Variants in NAV2 observed in about 807,000 individuals in gnomAD.
NAV2 encodes helicase, APC down-regulated 1.
In NAV2, 54 loss-of-function variants were observed where a neutral mutation model predicts 223.2. That is an observed-to-expected ratio of 0.24 (90% CI 0.19 to 0.30). The LOEUF is 0.30. Among genes scored for constraint, NAV2 ranks in the 10% least tolerant of loss-of-function variants. The pLI, the probability that NAV2 is intolerant of heterozygous loss-of-function variation, is 1.00. For missense variants in NAV2, 2,806 were observed against 3,147.5 expected (o/e 0.89, Z 2.60); for synonymous variants, 1,279 against 1,239.3 (o/e 1.03, Z -0.67).
At chr11:19,469,998 C>T (rs1010189055) in intron 1 of NAV2, among the ~76,000 whole-genome samples, 2 of 152,232 alleles carry the variant, frequency 1.3e-5, no homozygotes, top group Non-Finnish European at 2.9e-5. Context: ...GGCCACAGGC[C>T]ATGTCAGGCA....
At chr11:19,967,221 C>T (rs1185535371) in intron 10 of NAV2, among the ~76,000 whole-genome samples, 1 of 152,166 alleles carries the variant, frequency 6.6e-6, no homozygotes, top group Non-Finnish European at 1.5e-5. Flanking sequence ...GCCTGTTGCA[C>T]TTTAGGCTCT....
intron 1 of NAV2, among the ~76,000 whole-genome samples, chr11:19,655,778 A>G (rs80150889): frequency 0.033 from 4,968 of 150,584 alleles, 102 homozygotes; most frequent in Middle Eastern, 0.059. Flanking sequence ...GCATTAGGAG[A>G]TATACCTAAT....
intron 1 of NAV2, among the ~76,000 whole-genome samples, chr11:19,813,452 T>G (rs765977946): frequency 6.6e-6 from 1 of 152,180 alleles, no homozygotes; most frequent in Non-Finnish European, 1.5e-5. Flanking sequence ...CAGTGATTTA[T>G]TTCCCCTGAG....
At chr11:19,655,752 G>C in intron 1 of NAV2, among the ~76,000 whole-genome samples, 1 of 113,452 alleles carries the variant, frequency 8.8e-6, no homozygotes, top group Admixed American at 1.1e-4. Context: ...TGGGGTGGGG[G>C]GAGGGGGGAG....
chr11:19,855,604 T>C (rs1044769590), intron 3 of NAV2, among the ~76,000 whole-genome samples: 1 of 152,106 alleles, frequency 6.6e-6, no homozygotes, highest in African/African-American at 2.4e-5. Context: ...CCTGAAGGAA[T>C]ATGAAGGCAA....
chr11:19,574,835 T>G (rs2045525327), intron 1 of NAV2, among the ~76,000 whole-genome samples: 1 of 152,086 alleles, frequency 6.6e-6, no homozygotes, highest in South Asian at 2.1e-4. Context: ...CAAAGCCACC[T>G]TAGATGGGGA....
intron 6 of NAV2, among the ~76,000 whole-genome samples, chr11:19,931,213 A>T (rs1187181410): frequency 6.6e-6 from 1 of 152,120 alleles, no homozygotes; most frequent in African/African-American, 2.4e-5. Context: ...ACCCTCTAAC[A>T]GGCCAGCAGT....
At chr11:19,573,114 G>A (rs1018107783) in intron 1 of NAV2, among the ~76,000 whole-genome samples, 1 of 152,134 alleles carries the variant, frequency 6.6e-6, no homozygotes, top group Non-Finnish European at 1.5e-5. Context: ...GCATGAGCTT[G>A]CTGTTTCCTT....
At chr11:19,616,344 A>ACG (rs1491327942) in intron 1 of NAV2, among the ~76,000 whole-genome samples, 13 of 22,492 alleles carry the variant, frequency 5.8e-4, no homozygotes, top group Non-Finnish European at 1.4e-3. Context: ...GTGCGCGCGC[A>ACG]TGATCTGTGG....
intron 1 of NAV2, among the ~76,000 whole-genome samples, chr11:19,525,960 C>T (rs920062185): frequency 5.3e-5 from 8 of 152,096 alleles, no homozygotes; most frequent in African/African-American, 1.4e-4. Flanking sequence ...GGGGACAGGT[C>T]CCACCTCTCC....
At chr11:19,890,226 C>T (rs1264798240) in intron 5 of NAV2, among the ~76,000 whole-genome samples, 1 of 152,146 alleles carries the variant, frequency 6.6e-6, no homozygotes, top group East Asian at 1.9e-4. Context: ...GAGACTGCTC[C>T]AATGTCTTGT....
chr11:19,681,887 TG>T (rs1449889631), intron 1 of NAV2, among the ~76,000 whole-genome samples: 1 of 152,146 alleles, frequency 6.6e-6, no homozygotes. Flanking sequence ...GGAGGCTGCG[TG>T]GTGGTTTCAT....
intron 1 of NAV2, among the ~76,000 whole-genome samples, chr11:19,635,630 G>T (rs2047474999): frequency 6.6e-6 from 1 of 152,180 alleles, no homozygotes; most frequent in African/African-American, 2.4e-5. Context: ...AGAGAGGAGG[G>T]AATAGACAGT....
intron 1 of NAV2, among the ~76,000 whole-genome samples, chr11:19,557,298 G>C (rs2044926254): frequency 6.6e-6 from 1 of 152,204 alleles, no homozygotes; most frequent in Non-Finnish European, 1.5e-5. Context: ...TGGAACCAGA[G>C]TTTGAACCGA....
chr11:19,361,287 A>G (rs974125534), intron 1 of NAV2, among the ~76,000 whole-genome samples: 1 of 150,652 alleles, frequency 6.6e-6, no homozygotes, highest in African/African-American at 2.4e-5. Flanking sequence ...CTACTTTGGG[A>G]CTACCATTTC....
chr11:19,927,939 G>A (rs1285658591), intron 6 of NAV2, among the ~76,000 whole-genome samples: 5 of 152,084 alleles, frequency 3.3e-5, no homozygotes, highest in Non-Finnish European at 7.4e-5. Flanking sequence ...GGCTCAACAA[G>A]GCCTGATCAT....
intron 19 of NAV2, chr11:20,056,586 C>T (rs772261911): frequency 1.2e-6 from 2 of 1,613,998 alleles, no homozygotes; most frequent in South Asian, 2.2e-5. Context: ...CAGCTCACTT[C>T]ATTTCTCTCT....
At chr11:19,395,254 A>T (rs534797184) in intron 1 of NAV2, among the ~76,000 whole-genome samples, 3 of 152,368 alleles carry the variant, frequency 2.0e-5, no homozygotes, top group South Asian at 4.1e-4. Flanking sequence ...TGTCATGCAG[A>T]TATTTGTCAG....
At chr11:19,615,613 A>G (rs1250115053) in intron 1 of NAV2, among the ~76,000 whole-genome samples, 1 of 152,180 alleles carries the variant, frequency 6.6e-6, no homozygotes, top group East Asian at 1.9e-4. Context: ...ATATACATAT[A>G]CACATATATG....
Sources: gnomAD v4.1 joint callset for allele counts (sites outside exome capture counted in the v4.1 genomes callset) on GRCh38, gnomAD v4.1.1 for gene constraint, MANE v1.5 for transcripts, NCBI Gene and HGNC (gene_info 2026-07-23, HGNC 2026-07-21) for gene names.